Variants in GALNT17 observed in about 807,000 individuals in gnomAD.
GALNT17 encodes polypeptide N-acetylgalactosaminyltransferase 17, also known as UDP-GalNAc:polypeptide N-acetylgalactosaminyltransferase-like 3.
A neutral mutation model predicts 63.7 loss-of-function variants in GALNT17; 29 were observed. The ratio of observed to expected loss-of-function variants is 0.46; its 90% confidence interval spans 0.34 to 0.62. GALNT17 has a LOEUF of 0.62. GALNT17 is among the 20% of genes least tolerant of loss of function. GALNT17 has a pLI of 0.01. For missense variants in GALNT17, 603 were observed against 799.6 expected, an observed-to-expected ratio of 0.75 and a Z score of 2.97; for synonymous variants, 305 against 318.3, an observed-to-expected ratio of 0.96 and a Z score of 0.45.
intron 9 of GALNT17, among the ~76,000 whole-genome samples, chr7:71,685,976 A>T (rs1337871805): frequency 1.0e-5 from 1 of 97,862 alleles, no homozygotes; most frequent in Admixed American, 1.6e-4. Context: ...TTTTTTTGAG[A>T]CAGAGTCTCA....
intron 9 of GALNT17, among the ~76,000 whole-genome samples, chr7:71,680,862 C>G (rs1406224853): frequency 8.6e-6 from 1 of 115,734 alleles, no homozygotes; most frequent in African/African-American, 2.9e-5. Context: ...TTTTTTCTTT[C>G]CTTCCTTCCT....
chr7:71,357,384 G>A (rs1026692187), intron 2 of GALNT17, among the ~76,000 whole-genome samples: 3 of 152,116 alleles, frequency 2.0e-5, no homozygotes, highest in Admixed American at 6.6e-5. Context: ...TACGATCTGA[G>A]GTGGAGCAGT....
chr7:71,422,204 C>A (rs2906273), intron 5 of GALNT17, among the ~76,000 whole-genome samples: 1 of 151,744 alleles, frequency 6.6e-6, no homozygotes, highest in Admixed American at 6.6e-5. Context: ...CATGTCCTTG[C>A]CTTTTCCAGC....
At chr7:71,346,200 CAGTG>C (rs1792093115) in intron 2 of GALNT17, among the ~76,000 whole-genome samples, 1 of 151,490 alleles carries the variant, frequency 6.6e-6, no homozygotes, top group Non-Finnish European at 1.5e-5. Flanking sequence ...GTACATGTGA[CAGTG>C]TGTGTGTATA....
chr7:71,192,233 C>A (rs1788964609), intron 1 of GALNT17, among the ~76,000 whole-genome samples: 2 of 152,082 alleles, frequency 1.3e-5, no homozygotes, highest in African/African-American at 4.8e-5. Flanking sequence ...TGTTGGTGCC[C>A]ACCCCCATTG....
intron 2 of GALNT17, among the ~76,000 whole-genome samples, chr7:71,349,733 A>C (rs1258642370): frequency 1.3e-5 from 2 of 152,220 alleles, no homozygotes; most frequent in African/African-American, 4.8e-5. Context: ...TGATGAAGCA[A>C]TGTGATTATG....
chr7:71,590,628 G>A (rs1213034245), intron 6 of GALNT17, among the ~76,000 whole-genome samples: 1 of 152,212 alleles, frequency 6.6e-6, no homozygotes, highest in African/African-American at 2.4e-5. Context: ...CACAGAAAAA[G>A]GGAGGGGACT....
intron 2 of GALNT17, among the ~76,000 whole-genome samples, chr7:71,354,627 C>A (rs1173988255): frequency 6.6e-6 from 1 of 152,076 alleles, no homozygotes; most frequent in African/African-American, 2.4e-5. Context: ...GGATTCTGTT[C>A]ACTAATATTT....
At chr7:71,449,775 C>T (rs1318072469) in intron 5 of GALNT17, among the ~76,000 whole-genome samples, 1 of 152,062 alleles carries the variant, frequency 6.6e-6, no homozygotes, top group Non-Finnish European at 1.5e-5. Flanking sequence ...GGCGCGGTGG[C>T]TCACGCTTGT....
chr7:71,293,920 G>A (rs1288185910), intron 1 of GALNT17, among the ~76,000 whole-genome samples: 1 of 152,140 alleles, frequency 6.6e-6, no homozygotes, highest in Non-Finnish European at 1.5e-5. Context: ...AGCACTTTGG[G>A]AGGCCAAGAT....
intron 6 of GALNT17, among the ~76,000 whole-genome samples, chr7:71,579,282 G>A (rs1339192074): frequency 2.6e-5 from 4 of 152,156 alleles, no homozygotes; most frequent in Non-Finnish European, 4.4e-5. Flanking sequence ...TATGACTGGT[G>A]GCCAACAGTT....
At chr7:71,631,142 G>A (rs1273606074) in intron 6 of GALNT17, among the ~76,000 whole-genome samples, 1 of 152,088 alleles carries the variant, frequency 6.6e-6, no homozygotes, top group African/African-American at 2.4e-5. Context: ...CTGTAGCCAG[G>A]GAACATTGTG....
chr7:71,263,275 T>C (rs1790418599), intron 1 of GALNT17, among the ~76,000 whole-genome samples: 1 of 151,648 alleles, frequency 6.6e-6, no homozygotes, highest in African/African-American at 2.4e-5. Context: ...AGGAGAATCA[T>C]TTGAACCCGG....
chr7:71,549,152 G>A (rs78382748), intron 5 of GALNT17, among the ~76,000 whole-genome samples: 1,694 of 152,262 alleles, frequency 0.011, 35 homozygotes, highest in African/African-American at 0.04. Context: ...TACTCGAGCA[G>A]AGTCGCCAGT....
intron 6 of GALNT17, among the ~76,000 whole-genome samples, chr7:71,609,013 T>C (rs1435549658): frequency 6.6e-6 from 1 of 150,978 alleles, no homozygotes; most frequent in Non-Finnish European, 1.5e-5. Flanking sequence ...ACTCCTGGGC[T>C]CAAGTGATCC....
At chr7:71,555,344 G>A (rs1228123743) in intron 5 of GALNT17, among the ~76,000 whole-genome samples, 3 of 151,814 alleles carry the variant, frequency 2.0e-5, no homozygotes, top group Non-Finnish European at 2.9e-5. Flanking sequence ...TATGGATGTC[G>A]ACCAATCAAA....
chr7:71,282,157 T>G (rs537218951), intron 1 of GALNT17, among the ~76,000 whole-genome samples: 1 of 152,266 alleles, frequency 6.6e-6, no homozygotes, highest in South Asian at 2.1e-4. Flanking sequence ...CAAAACCCAT[T>G]CAGTGTGATG....
At chr7:71,180,565 T>G (rs1788717728) in intron 1 of GALNT17, among the ~76,000 whole-genome samples, 1 of 152,214 alleles carries the variant, frequency 6.6e-6, no homozygotes, top group Non-Finnish European at 1.5e-5. Context: ...AAGATGCCCT[T>G]GGGAATGTGG....
intron 1 of GALNT17, among the ~76,000 whole-genome samples, chr7:71,310,857 A>G (rs988147509): frequency 1.3e-5 from 2 of 152,186 alleles, no homozygotes; most frequent in African/African-American, 2.4e-5. Context: ...CTGCTGGTGT[A>G]GAAGAGAATG....
Sources: allele counts gnomAD v4.1 joint callset (sites outside exome capture counted in the v4.1 genomes callset), GRCh38; gene constraint gnomAD v4.1.1; transcripts MANE v1.5; gene names NCBI Gene and HGNC (gene_info 2026-07-23, HGNC 2026-07-21).